TARS3: variants seen among roughly 807,000 people sequenced by gnomAD.
TARS3 encodes the protein threonine--tRNA ligase 2, cytoplasmic.
Under a neutral mutation model 103.5 loss-of-function variants are expected in TARS3, and 94 were observed. That is an observed-to-expected ratio of 0.91 (90% CI 0.77 to 1.08). The LOEUF (loss-of-function observed/expected upper bound fraction) is 1.08. Among genes scored for constraint, TARS3 ranks in the 50% least tolerant of loss-of-function variants. The probability of loss-of-function intolerance (pLI) is 0.00; values close to 1 mark genes in which losing one functional copy is unlikely to be tolerated. For synonymous variants in TARS3, 416 were observed against 355.4 expected (o/e 1.17, Z -1.92); for missense variants, 952 against 995.2 (o/e 0.96, Z 0.58).
chr15:101,710,680 G>GT (rs1899817821), intron 5 of TARS3, among the ~76,000 whole-genome samples: 1 of 152,238 alleles, frequency 6.6e-6, no homozygotes, highest in Non-Finnish European at 1.5e-5. Context: ...GGACAAGTCT[G>GT]TAAGTAGTAG....
intron 15 of TARS3, among the ~76,000 whole-genome samples, chr15:101,669,922 G>T (rs993893890): frequency 7.2e-5 from 11 of 152,206 alleles, no homozygotes; most frequent in Admixed American, 2.6e-4. Context: ...AAGGCAAGTC[G>T]ATGGTGAAAT....
intron 5 of TARS3, among the ~76,000 whole-genome samples, chr15:101,710,489 G>A (rs555504519): frequency 3.3e-5 from 5 of 152,264 alleles, no homozygotes; most frequent in African/African-American, 1.2e-4. Flanking sequence ...CCCTTGACCT[G>A]GGGAATCTGC....
rs115994230 is a variant in TARS3, at chr15:101,669,223, T to C, written c.1967+2263A>G. Among the ~76,000 whole-genome samples, 305 of 152,312 alleles carry C rather than the reference T, an allele frequency of 2.0e-3. 2 individuals carry two copies. Among genetic ancestry groups the C allele is most frequent in the African/African-American group, 7.0e-3 (289 of 41,578 alleles). Reference sequence around the variant, plus strand: ...TGTCTTAGTTTTTAACAAAAAAACTTAAAAAGTAAAAATTTTTGAAGTTTT... The same window carrying C: ...TGTCTTAGTTTTTAACAAAAAAACTCAAAAAGTAAAAATTTTTGAAGTTTT... On this transcript the variant is annotated intron_variant, in intron 15 of 18. Coordinates refer to ENST00000335968, the MANE Select transcript of TARS3 (RefSeq NM_152334.3).
chr15:101,720,532 T>C (rs973057734), intron 3 of TARS3, among the ~76,000 whole-genome samples: 5 of 152,150 alleles, frequency 3.3e-5, no homozygotes, highest in African/African-American at 1.2e-4. Context: ...GATTTTTTTC[T>C]CTCCTATATA....
At chr15:101,721,612 G>A (rs1196350595) in intron 2 of TARS3, among the ~76,000 whole-genome samples, 2 of 152,008 alleles carry the variant, frequency 1.3e-5, no homozygotes, top group Non-Finnish European at 2.9e-5. Context: ...TTCCTGCCTC[G>A]GCCACCCGAG....
intron 15 of TARS3, among the ~76,000 whole-genome samples, chr15:101,663,288 AC>A (rs1315463969): frequency 6.6e-6 from 1 of 152,222 alleles, no homozygotes; most frequent in Non-Finnish European, 1.5e-5. Context: ...GGTGTCCTGC[AC>A]CCAAGGAAGC....
intron 12 of TARS3, 37 bp from the exon 13 acceptor site, chr15:101,675,774 T>C: frequency 6.3e-7 from 1 of 1,578,264 alleles, no homozygotes; most frequent in Non-Finnish European, 8.6e-7. Context: ...AAATAGAACA[T>C]CAAATTCATT....
chr15:101,689,176 C>T (rs916511816), intron 10 of TARS3, among the ~76,000 whole-genome samples: 9 of 152,100 alleles, frequency 5.9e-5, no homozygotes, highest in African/African-American at 2.2e-4. Flanking sequence ...TACCCTTGAT[C>T]GCAATTACTG....
intron 12 of TARS3, among the ~76,000 whole-genome samples, chr15:101,682,468 C>G (rs976448087): frequency 1.3e-4 from 20 of 152,020 alleles, no homozygotes; most frequent in Non-Finnish European, 2.9e-4. Flanking sequence ...TAATGTTAAA[C>G]TACCTTTTCA....
intron 1 of TARS3, among the ~76,000 whole-genome samples, chr15:101,723,780 A>G (rs534247467): frequency 1.3e-5 from 2 of 152,258 alleles, no homozygotes; most frequent in Non-Finnish European, 2.9e-5. Context: ...ATGAGTTTTA[A>G]ACACTCCAGC....
At chr15:101,673,266 G>A (rs1375345393) in intron 13 of TARS3, among the ~76,000 whole-genome samples, 1 of 152,124 alleles carries the variant, frequency 6.6e-6, no homozygotes, top group Non-Finnish European at 1.5e-5. Context: ...AAAATGCTGG[G>A]ACTTCCAGCC....
chr15:101,662,518 C>G (rs980981722), intron 15 of TARS3, among the ~76,000 whole-genome samples: 5 of 152,068 alleles, frequency 3.3e-5, no homozygotes, highest in Admixed American at 3.3e-4. Context: ...AACAGAGAAA[C>G]CCATTCATTA....
intron 7 of TARS3, among the ~76,000 whole-genome samples, chr15:101,705,198 C>T (rs1382683162): frequency 6.6e-6 from 1 of 152,200 alleles, no homozygotes; most frequent in Non-Finnish European, 1.5e-5. Flanking sequence ...TACATTTGAT[C>T]CTGCCTTTGT....
chr15:101,697,082 T>C (rs1241016619), intron 10 of TARS3, among the ~76,000 whole-genome samples: 2 of 152,210 alleles, frequency 1.3e-5, no homozygotes, highest in Non-Finnish European at 2.9e-5. Context: ...TAAATATTTA[T>C]ACTTGGCCAA....
In TARS3 at chr15:101,682,976, A is replaced by C. The variant is rs143567816; in HGVS notation, c.1650+1099T>G. On this transcript the variant is annotated intron_variant, in intron 12 of 18. Coordinates refer to ENST00000335968, the MANE Select transcript of TARS3 (RefSeq NM_152334.3). ...AACAGCTACAGAATCTGTAGTGATG[A>C]CATCTGTCTCATTCCTGACATTTTT... Among the ~76,000 whole-genome samples the C allele has an allele frequency of 1.2e-4, 18 of 152,350 alleles. No individual in the cohort carries two copies. In the East Asian group the frequency reaches 2.7e-3, roughly 23 times the overall value.
chr15:101,686,192 A>G, intron 10 of TARS3, 130 bp from the exon 11 acceptor site: 1 of 754,408 alleles, frequency 1.3e-6, no homozygotes, highest in Non-Finnish European at 2.1e-6. Context: ...ATGTACCCTC[A>G]GTTTTAGGTG....
intron 3 of TARS3, among the ~76,000 whole-genome samples, chr15:101,716,350 C>T (rs571399206): frequency 6.6e-6 from 1 of 151,968 alleles, no homozygotes; most frequent in Non-Finnish European, 1.5e-5. Flanking sequence ...CTGGAAAGCA[C>T]AGAAACACAC....
intron 13 of TARS3, among the ~76,000 whole-genome samples, chr15:101,672,786 G>A (rs543558423): frequency 3.7e-4 from 57 of 152,218 alleles, no homozygotes; most frequent in Non-Finnish European, 7.5e-4. Context: ...AGACACTTCC[G>A]GGGCCTGGAG....
At chr15:101,703,315 C>T (rs538983209) in intron 8 of TARS3, among the ~76,000 whole-genome samples, 24 of 152,274 alleles carry the variant, frequency 1.6e-4, no homozygotes, top group Middle Eastern at 3.4e-3. Flanking sequence ...AAAGGCCAGG[C>T]GCAGTGGCTC....
Sources: gnomAD v4.1 joint callset for allele counts (sites outside exome capture counted in the v4.1 genomes callset) on GRCh38, gnomAD v4.1.1 for gene constraint, MANE v1.5 for transcripts, NCBI Gene and HGNC (gene_info 2026-07-23, HGNC 2026-07-21) for gene names.